The following STX11 variants were observed in gnomAD, a reference collection of about 807,000 sequenced individuals.
STX11 encodes the protein syntaxin 11, also known as syntaxin-11.
In STX11, 21 loss-of-function variants were observed where a neutral mutation model predicts 19.9. The observed-to-expected ratio is 1.06, with a 90% CI of 0.75 to 1.52. STX11 has a LOEUF of 1.52. STX11 is among the 40% of genes most tolerant of loss of function. The pLI, the probability that STX11 is intolerant of heterozygous loss-of-function variation, is 0.00. For missense variants in STX11, 438 were observed against 405.9 expected (o/e 1.08, Z -0.68); for synonymous variants, 193 against 174.4 (o/e 1.11, Z -0.84).
chr6:144,140,178 C>T, the STX11 span, among the ~76,000 whole-genome samples: 1 of 130,572 alleles, frequency 7.7e-6, no homozygotes, highest in Non-Finnish European at 1.6e-5. Flanking sequence ...CAGACTTCAA[C>T]CTGTTTACTC....
chr6:144,190,008 G>A lies in STX11; in HGVS notation c.*2517G>A, dbSNP rs1233333938. On this transcript the variant is annotated 3_prime_UTR_variant, in exon 2 of 2. Transcript: ENST00000367568. ...AACCCATAAAGCATTTTCTTTGCTT[G>A]GAACCATTATAAAAGTAAGTGAGTT... is the stretch of plus-strand genomic sequence containing the variant. Among the ~76,000 whole-genome samples the A allele has an allele frequency of 1.3e-5, 2 of 152,124 alleles. No homozygotes were observed. Among genetic ancestry groups the A allele is most frequent in the African/African-American group, 2.4e-5 (1 of 41,416 alleles).
chr6:144,150,563 C>T lies in STX11; in HGVS notation c.-146C>T, dbSNP rs1800973970. 3.0e-6 allele frequency: 3 copies of T among 985,424 alleles called. No individual in the cohort carries two copies. Among genetic ancestry groups the T allele is most frequent in the Non-Finnish European group, 3.6e-6 (3 of 829,956 alleles). The allele number at this position is 985,424 out of a possible 1,614,324, so 61.0% of individuals were successfully genotyped here. Reference sequence around the variant, plus strand: ...GAGCTCGGGCGGCCGTGGAGGAACTCAGCCTCGGCCGCAGGAGGCGCCGGG... The same window carrying T: ...GAGCTCGGGCGGCCGTGGAGGAACTTAGCCTCGGCCGCAGGAGGCGCCGGG... On this transcript the variant is annotated 5_prime_UTR_variant, in exon 1 of 2. Transcript: ENST00000367568.
At chr6:144,150,417 A>C (rs1168820013), upstream of STX11, 6 of 892,332 alleles carry the variant, frequency 6.7e-6, no homozygotes, top group Non-Finnish European at 8.1e-6. Context: ...GCGCTCTGTG[A>C]GCCGGCTGCC....
In STX11 at chr6:144,172,675, G is replaced by A. The variant is rs1484605878; in HGVS notation, c.-5-13948G>A. On this transcript the variant is annotated intron_variant, in intron 1 of 1. Transcript: ENST00000367568. This position sits in a 1 kb window ranked among gnomAD's most constrained non-coding sequence, Gnocchi z 4.2. ...GCTCCCTCCCATCCCAGGATTCCCC[G>A]AAGTCTCATCAGATTATAGTATTAG... 4.6e-5 allele frequency among the ~76,000 whole-genome samples: 7 copies of A among 151,978 alleles called. No individual in the cohort carries two copies. The highest frequency in any genetic ancestry group is 4.1e-4 in the South Asian group (2 of 4,820).
At position 144,176,801 on chromosome 6, in the gene STX11, G is replaced by A. The variant is rs183030082; in HGVS notation, c.-5-9822G>A. On this transcript the variant is annotated intron_variant, in intron 1 of 1. Coordinates refer to ENST00000367568, the MANE Select transcript of STX11 (RefSeq NM_003764.4). This position sits in a 1 kb window ranked among gnomAD's most constrained non-coding sequence, Gnocchi z 4.1. ...TGTTTTTTAAAAAGCAAGGAAGTGT[G>A]TCCAGGCATTTTAGAAGAGGATTTC... Among the ~76,000 whole-genome samples the A allele has an allele frequency of 1.5e-3, 236 of 152,270 alleles. No individual in the cohort carries two copies. Among genetic ancestry groups the A allele is most frequent in the Admixed American group, 4.0e-3 (61 of 15,298 alleles).
chr6:144,155,620 G>A lies in STX11; in HGVS notation c.-6+4917G>A, dbSNP rs886579063. ...TTTGGCTAATATTTCATATCGGTTT[G>A]TCTTGGCTGTTCAATTCAACTGTGG... On this transcript the variant is annotated intron_variant, in intron 1 of 1. Transcript: ENST00000367568. The surrounding 1 kb of genome is among the most constrained non-coding windows in gnomAD (Gnocchi z 4.5). Among the ~76,000 whole-genome samples the A allele has an allele frequency of 3.3e-5, 5 of 152,186 alleles. No homozygotes were observed. The highest frequency in any genetic ancestry group is 9.7e-5 in the African/African-American group (4 of 41,430).
the STX11 span, among the ~76,000 whole-genome samples, chr6:144,141,095 T>G: frequency 6.6e-6 from 1 of 152,238 alleles, no homozygotes; most frequent in Non-Finnish European, 1.5e-5. Context: ...GAAATGAGTA[T>G]TGAGTAACAG....
chr6:144,152,690 G>A lies in STX11; in HGVS notation c.-6+1987G>A, dbSNP rs1201036368. ...CTCTGTTGCCCCAGGCTGGAGTGTG[G>A]TGGTGCAATCTTGGCTCACTGCAAC... On this transcript the variant is annotated intron_variant, in intron 1 of 1. Coordinates refer to ENST00000367568, the MANE Select transcript of STX11 (RefSeq NM_003764.4). The surrounding 1 kb of genome is among the most constrained non-coding windows in gnomAD (Gnocchi z 4.9). Among the ~76,000 whole-genome samples the A allele has an allele frequency of 6.6e-6, 1 of 152,204 alleles. No homozygotes were observed. Among genetic ancestry groups the A allele is most frequent in the East Asian group, 1.9e-4 (1 of 5,198 alleles).
rs747288617 is a variant in STX11, at chr6:144,155,940, A to ATCTTTCTT, written c.-6+5305_-6+5312dup. ...CTAATTAAATGTGTTTTAAAATTTA[A>ATCTTTCTT]TCTTTCTTTCTTTCTTTCTTTCTTT... On this transcript the variant is annotated intron_variant, in intron 1 of 1. Coordinates refer to ENST00000367568, the MANE Select transcript of STX11 (RefSeq NM_003764.4). This position sits in a 1 kb window ranked among gnomAD's most constrained non-coding sequence, Gnocchi z 4.5. Among the ~76,000 whole-genome samples the ATCTTTCTT allele has an allele frequency of 1.3e-3, 156 of 119,910 alleles. 1 individual carries two copies. The highest frequency in any genetic ancestry group is 2.1e-3 in the Admixed American group (24 of 11,420). The allele number at this position is 119,910 out of a possible 152,430, so 78.7% of individuals were successfully genotyped here.
intron 1 of STX11, among the ~76,000 whole-genome samples, chr6:144,157,622 G>A (rs1584018564): frequency 6.6e-6 from 1 of 152,158 alleles, no homozygotes; most frequent in Admixed American, 6.5e-5. Context: ...AGAAGACAAA[G>A]TAGTCTTAAT....
chr6:144,153,189 C>A lies in STX11; in HGVS notation c.-6+2486C>A, dbSNP rs1428683376. 6.6e-6 allele frequency among the ~76,000 whole-genome samples: 1 copy of A among 152,136 alleles called. No homozygotes were observed. Among genetic ancestry groups the A allele is most frequent in the Non-Finnish European group, 1.5e-5 (1 of 68,032 alleles). On this transcript the variant is annotated intron_variant, in intron 1 of 1. Coordinates refer to ENST00000367568, the MANE Select transcript of STX11 (RefSeq NM_003764.4). This position sits in a 1 kb window ranked among gnomAD's most constrained non-coding sequence, Gnocchi z 5.0. ...GGCAACAATGCTAAATTTCAGACAA[C>A]TTTACCTTAATTTCCAAACTTTATT...
At chr6:144,148,651 C>G (rs1480816850), upstream of STX11, among the ~76,000 whole-genome samples, 1 of 152,112 alleles carries the variant, frequency 6.6e-6, no homozygotes, top group African/African-American at 2.4e-5. Flanking sequence ...TAGTTTTTCC[C>G]CAAGTCCTTT....
chr6:144,185,160 C>A (rs1801994706), intron 1 of STX11, among the ~76,000 whole-genome samples: 1 of 152,160 alleles, frequency 6.6e-6, no homozygotes, highest in Non-Finnish European at 1.5e-5. Context: ...TAGAATAAAA[C>A]TTCTGCTTAA....
At chr6:144,164,849 A>G (rs1418641654) in intron 1 of STX11, among the ~76,000 whole-genome samples, 1 of 150,268 alleles carries the variant, frequency 6.7e-6, no homozygotes, top group Non-Finnish European at 1.5e-5. Context: ...ACCTGCCACT[A>G]TGCCTGGGTA....
Position 144,187,425 on chromosome 6 carries a change from C to T in STX11, c.798C>T (p.Ala266=), listed in dbSNP as rs1487649315. ...TGQAKAQVRK[A]VQYEEKNPCR... ...AGGCCAAGGCGCAGGTGCGGAAGGC[C>T]GTGCAGTACGAGGAGAAGAACCCCT... is the stretch of plus-strand genomic sequence containing the variant. The change falls in exon 2 of 2, where the codon GCC becomes GCT. Residue 266 remains alanine (A), a synonymous_variant. Transcript: ENST00000367568. The surrounding 1 kb of genome is among the most constrained non-coding windows in gnomAD (Gnocchi z 5.6). The T allele has an allele frequency of 3.7e-6, 6 of 1,611,798 alleles. No individual in the cohort carries two copies. Among genetic ancestry groups the T allele is most frequent in the Admixed American group, 1.7e-5 (1 of 60,012 alleles).
upstream of STX11, among the ~76,000 whole-genome samples, chr6:144,146,808 T>C (rs1272427424): frequency 6.6e-6 from 1 of 151,980 alleles, no homozygotes; most frequent in Admixed American, 6.6e-5. The surrounding 1 kb of genome is among the most constrained non-coding windows in gnomAD (Gnocchi z 4.4). Context: ...CCTCCTACCC[T>C]GTCCTCCCAA....
chr6:144,189,909 G>A lies in STX11; in HGVS notation c.*2418G>A, dbSNP rs981242618. 6.6e-6 allele frequency among the ~76,000 whole-genome samples: 1 copy of A among 152,120 alleles called. No individual in the cohort carries two copies. Among genetic ancestry groups the A allele is most frequent in the Non-Finnish European group, 1.5e-5 (1 of 68,016 alleles). On this transcript the variant is annotated 3_prime_UTR_variant, in exon 2 of 2. Transcript: ENST00000367568. ...CACTGCAATGTTTTTTATAATAGAG[G>A]AGAGATATTGTAAATAGAGACTGCC...
chr6:144,147,403 T>C (rs867336321), upstream of STX11, among the ~76,000 whole-genome samples: 2 of 152,102 alleles, frequency 1.3e-5, no homozygotes, highest in African/African-American at 2.4e-5. The surrounding 1 kb of genome is among the most constrained non-coding windows in gnomAD (Gnocchi z 4.2). Flanking sequence ...TTTACAAAAA[T>C]TTTTTTAATT....
rs1014268061 is a variant in STX11 at position 144,182,411 on chromosome 6, C to G, written c.-5-4212C>G. 2.6e-5 allele frequency among the ~76,000 whole-genome samples: 4 copies of G among 152,192 alleles called. No individual in the cohort carries two copies. Among genetic ancestry groups the G allele is most frequent in the Admixed American group, 1.3e-4 (2 of 15,278 alleles). On this transcript the variant is annotated intron_variant, in intron 1 of 1. Transcript: ENST00000367568. This position sits in a 1 kb window ranked among gnomAD's most constrained non-coding sequence, Gnocchi z 4.8. ...GGCAGGAAGGCCAGGTGAAGGCCCCCTTCCCTCCTTTACCACACCTCAATA... is the reference window on the plus strand; with the variant it reads ...GGCAGGAAGGCCAGGTGAAGGCCCCGTTCCCTCCTTTACCACACCTCAATA...
Sources: gnomAD v4.1 joint callset for allele counts (sites outside exome capture counted in the v4.1 genomes callset) on GRCh38, gnomAD v4.1.1 for gene constraint, Gnocchi (gnomAD v3.1) non-coding constraint, MANE v1.5 for transcripts, NCBI Gene and HGNC (gene_info 2026-07-23, HGNC 2026-07-21) for gene names.